NRG3: variants seen among roughly 807,000 people sequenced by gnomAD.
The protein encoded by NRG3 is pro-neuregulin-3, membrane-bound isoform.
In NRG3, 31 loss-of-function variants were observed where a neutral mutation model predicts 66.9. The ratio of observed to expected loss-of-function variants is 0.46; its 90% CI spans 0.35 to 0.63. The LOEUF (loss-of-function observed/expected upper bound fraction) is 0.63. NRG3 is among the 20% of genes least tolerant of loss of function. The pLI, the probability that NRG3 is intolerant of heterozygous loss-of-function variation, is 0.00. For synonymous variants in NRG3, 393 were observed against 359.4 expected (o/e 1.09, Z -1.06); for missense variants, 910 against 878.9 (o/e 1.04, Z -0.45).
chr10:82,154,804 A>G (rs1448089739), intron 1 of NRG3, among the ~76,000 whole-genome samples: 1 of 151,582 alleles, frequency 6.6e-6, no homozygotes, highest in East Asian at 1.9e-4. Flanking sequence ...TTTCTTTTTG[A>G]AATACTATTG....
At chr10:81,891,382 G>A (rs947742582) in intron 1 of NRG3, among the ~76,000 whole-genome samples, 9 of 152,238 alleles carry the variant, frequency 5.9e-5, no homozygotes, top group South Asian at 2.1e-4. Context: ...GCAATATGGC[G>A]CACTTTAAGG....
At chr10:82,095,411 G>A (rs2066276536) in intron 1 of NRG3, among the ~76,000 whole-genome samples, 1 of 152,158 alleles carries the variant, frequency 6.6e-6, no homozygotes, top group Admixed American at 6.5e-5. Flanking sequence ...AAAGCTAAAA[G>A]TCCACATGAG....
intron 1 of NRG3, among the ~76,000 whole-genome samples, chr10:82,051,333 G>A (rs1288427287): frequency 1.3e-5 from 2 of 152,076 alleles, no homozygotes; most frequent in Non-Finnish European, 2.9e-5. Context: ...TTTGAAGCAA[G>A]GTATTTCTGT....
intron 1 of NRG3, among the ~76,000 whole-genome samples, chr10:82,247,026 T>A (rs570111395): frequency 2.3e-4 from 35 of 152,296 alleles, no homozygotes; most frequent in Admixed American, 2.0e-3. Flanking sequence ...TGTTGGCCCT[T>A]CAGCTGCAGT....
chr10:82,309,437 T>C (rs371281275), intron 1 of NRG3, among the ~76,000 whole-genome samples: 1 of 151,998 alleles, frequency 6.6e-6, no homozygotes, highest in African/African-American at 2.4e-5. Context: ...AGGGTGATTA[T>C]ACTTCATTTT....
chr10:82,313,268 C>G (rs2081127146), intron 1 of NRG3, among the ~76,000 whole-genome samples: 1 of 152,082 alleles, frequency 6.6e-6, no homozygotes, highest in Admixed American at 6.5e-5. Flanking sequence ...ACCCAGGAGG[C>G]AGAGGTTGCA....
At chr10:82,061,416 TC>T (rs2064135306) in intron 1 of NRG3, among the ~76,000 whole-genome samples, 1 of 152,132 alleles carries the variant, frequency 6.6e-6, no homozygotes, top group Non-Finnish European at 1.5e-5. Context: ...CCCCATTTAC[TC>T]CTTGGAGATC....
intron 1 of NRG3, among the ~76,000 whole-genome samples, chr10:82,064,506 T>C (rs12570420): frequency 0.052 from 7,973 of 152,168 alleles, 318 homozygotes; most frequent in East Asian, 0.14. Flanking sequence ...AAATGACTTA[T>C]ACGCGTTGAA....
Position 82,986,882 on chromosome 10 carries a change from G to A in NRG3, c.*1277G>A, listed in dbSNP as rs1428031032. ...GTGGACCAAGGCTTCGGCTTCTGTG[G>A]TTAGTATGGGAAGAATAAATTGTTG... On this transcript the variant is annotated 3_prime_UTR_variant, in exon 9 of 9. Transcript: ENST00000372141. 6.6e-6 allele frequency: 1 copy of A among 152,178 alleles called. No individual in the cohort carries two copies. The highest frequency in any genetic ancestry group is 2.4e-5 in the African/African-American group (1 of 41,434). The allele number at this position is 152,178 out of a possible 1,614,324, so 9.4% of individuals were successfully genotyped here. A position where few individuals can be genotyped will look rare whatever the true frequency, so the allele number is the denominator to read the frequency against.
intron 3 of NRG3, among the ~76,000 whole-genome samples, chr10:82,828,746 G>T (rs1003577505): frequency 3.9e-5 from 6 of 152,108 alleles, no homozygotes; most frequent in African/African-American, 1.4e-4. Context: ...AAATAAGTTG[G>T]GAGTGGCTAT....
intron 2 of NRG3, among the ~76,000 whole-genome samples, chr10:82,367,800 C>T (rs906595727): frequency 1.1e-4 from 17 of 152,048 alleles, no homozygotes; most frequent in African/African-American, 3.9e-4. Context: ...TCAAGACCAG[C>T]CTGGCCAACG....
chr10:82,412,115 T>A (rs2088139925), intron 2 of NRG3, among the ~76,000 whole-genome samples: 1 of 152,158 alleles, frequency 6.6e-6, no homozygotes, highest in African/African-American at 2.4e-5. Flanking sequence ...TGTGTCTTAA[T>A]GTGTTATAGT....
chr10:82,663,690 G>C (rs1412093533), intron 2 of NRG3, among the ~76,000 whole-genome samples: 3 of 152,116 alleles, frequency 2.0e-5, no homozygotes, highest in Non-Finnish European at 4.4e-5. Context: ...GTCAAGGGAG[G>C]ACATGAGCAC....
chr10:82,180,863 G>A (rs1009645780), intron 1 of NRG3, among the ~76,000 whole-genome samples: 4 of 151,858 alleles, frequency 2.6e-5, no homozygotes, highest in Non-Finnish European at 5.9e-5. Context: ...TACCAGTGAA[G>A]CCATTGGTCC....
chr10:82,747,470 A>G (rs376467872), intron 3 of NRG3, among the ~76,000 whole-genome samples: 1 of 152,050 alleles, frequency 6.6e-6, no homozygotes, highest in East Asian at 1.9e-4. Flanking sequence ...CGTGAGTGAA[A>G]AGTAAAATTG....
intron 2 of NRG3, among the ~76,000 whole-genome samples, chr10:82,672,195 A>G (rs2053333281): frequency 6.6e-6 from 1 of 152,176 alleles, no homozygotes; most frequent in African/African-American, 2.4e-5. Flanking sequence ...CGAGAGTACT[A>G]GGAAAGAAAT....
chr10:82,079,948 A>G (rs760723383), intron 1 of NRG3, among the ~76,000 whole-genome samples: 7 of 152,228 alleles, frequency 4.6e-5, no homozygotes, highest in Non-Finnish European at 8.8e-5. Context: ...TGCTATAAAT[A>G]AAGAAATCAA....
intron 1 of NRG3, among the ~76,000 whole-genome samples, chr10:82,348,055 T>C (rs1203725834): frequency 1.3e-5 from 2 of 151,920 alleles, no homozygotes; most frequent in African/African-American, 2.4e-5. Context: ...TTGGAGCATT[T>C]AGTCCATTTA....
chr10:82,644,052 C>T (rs998204879), intron 2 of NRG3, among the ~76,000 whole-genome samples: 1 of 152,106 alleles, frequency 6.6e-6, no homozygotes, highest in African/African-American at 2.4e-5. Flanking sequence ...TTTGCTTTGG[C>T]TGGTCTGTTT....
Sources: allele counts gnomAD v4.1 joint callset (sites outside exome capture counted in the v4.1 genomes callset), GRCh38; gene constraint gnomAD v4.1.1; transcripts MANE v1.5; gene names NCBI Gene and HGNC (gene_info 2026-07-23, HGNC 2026-07-21).